The following SLC14A2 variants were observed in gnomAD, a reference collection of about 807,000 sequenced individuals.
SLC14A2 encodes urea transporter 2.
SLC14A2 carries 91 observed loss-of-function variants against 104.6 expected under a neutral mutation model. The ratio of observed to expected loss-of-function variants is 0.87; its 90% CI spans 0.73 to 1.04. The LOEUF is 1.04. SLC14A2 is among the 50% of genes least tolerant of loss of function. SLC14A2 has a pLI of 0.00. For missense variants in SLC14A2, 1,189 were observed against 1,156.0 expected (o/e 1.03, Z -0.41); for synonymous variants, 476 against 466.4 (o/e 1.02, Z -0.27).
chr18:45,265,879 C>T (rs909308871), intron 1 of SLC14A2, among the ~76,000 whole-genome samples: 3 of 152,158 alleles, frequency 2.0e-5, no homozygotes, highest in African/African-American at 7.2e-5. Context: ...TATCATTTTA[C>T]GTGCTAGGGA....
chr18:45,418,518 G>GGGT (rs1330549023), intron 1 of SLC14A2, among the ~76,000 whole-genome samples: 7 of 152,206 alleles, frequency 4.6e-5, no homozygotes, highest in African/African-American at 1.7e-4. Context: ...TCTGAGAAAA[G>GGGT]CCAGCATTTG....
intron 2 of SLC14A2, among the ~76,000 whole-genome samples, chr18:45,601,087 C>T (rs542560682): frequency 3.3e-5 from 5 of 152,278 alleles, no homozygotes; most frequent in Admixed American, 6.5e-5. Flanking sequence ...CTAGGCTGTC[C>T]CTTATTCCAC....
Position 45,414,725 on chromosome 18 carries a change from C to T in SLC14A2, c.-124-68508C>T, listed in dbSNP as rs1231530987. On this transcript the variant is annotated intron_variant, in intron 1 of 20. Transcript: ENST00000586448. ...AGTGGGCCTTTTCACATGCCAGGTGCGGTGCAAGGCACCGAGCGTAAAAAA... is the reference window on the plus strand; with the variant it reads ...AGTGGGCCTTTTCACATGCCAGGTGTGGTGCAAGGCACCGAGCGTAAAAAA... Among the ~76,000 whole-genome samples the T allele has an allele frequency of 2.6e-4, 32 of 122,328 alleles. 1 individual carries two copies. The highest frequency in any genetic ancestry group is 1.6e-3 in the East Asian group (7 of 4,252). 80.3% of individuals were successfully genotyped at this position (122,328 alleles called of 152,430 possible).
At chr18:45,595,907 A>C (rs1018267240) in intron 2 of SLC14A2, among the ~76,000 whole-genome samples, 2 of 152,166 alleles carry the variant, frequency 1.3e-5, no homozygotes, top group Admixed American at 6.5e-5. Context: ...TTCATTGAGG[A>C]GGGTCCCCCT....
chr18:45,575,252 A>G (rs1002451439), intron 2 of SLC14A2, among the ~76,000 whole-genome samples: 1 of 152,122 alleles, frequency 6.6e-6, no homozygotes, highest in African/African-American at 2.4e-5. Context: ...TCTGGATTTC[A>G]CTACCACAAC....
Position 45,625,699 on chromosome 18 carries a change from A to T in SLC14A2, c.167A>T (p.Asn56Ile). ...TCCTAAAAGGATCTCCGGTCTTCCA[A>T]TGAAGACAGTCACATTGTGAAGATC... ...MPEEKDLRSS[N>I]EDSHIVKIEK... The change falls in exon 3 of 20, where the codon AAT (asparagine) becomes ATT (isoleucine). Residue 56 changes from asparagine (N) to isoleucine (I), a missense_variant. Coordinates refer to ENST00000255226, the MANE Select transcript of SLC14A2 (RefSeq NM_007163.4). The T allele has an allele frequency of 1.3e-6, 2 of 1,553,284 alleles. No homozygotes were observed. Among genetic ancestry groups the T allele is most frequent in the Non-Finnish European group, 1.7e-6 (2 of 1,156,060 alleles).
intron 2 of SLC14A2, among the ~76,000 whole-genome samples, chr18:45,608,901 C>T (rs1160156118): frequency 5.9e-5 from 9 of 152,206 alleles, no homozygotes; most frequent in African/African-American, 1.9e-4. Flanking sequence ...GCCAGGTCCC[C>T]TCTGCATTTT....
In SLC14A2 at chr18:45,571,811, T is replaced by C. The variant is rs1210842666; in HGVS notation, c.-34-52820T>C. Among the ~76,000 whole-genome samples, 5 of 152,230 alleles carry C rather than the reference T, an allele frequency of 3.3e-5. No individual in the cohort carries two copies. In the South Asian group the frequency reaches 1.0e-3, roughly 32 times the overall value. ...GCCACCAAAAATCAGAGAAAACTGA[T>C]GTCTGAAACAACAGAAACATTTTCT... is the stretch of plus-strand genomic sequence containing the variant. On this transcript the variant is annotated intron_variant, in intron 2 of 20. Coordinates refer to the SLC14A2 transcript ENST00000586448.
chr18:45,326,637 T>C, intron 1 of SLC14A2, among the ~76,000 whole-genome samples: 1 of 152,232 alleles, frequency 6.6e-6, no homozygotes, highest in East Asian at 1.9e-4. Context: ...ACCATTTTAC[T>C]AGTGAGCAGG....
chr18:45,383,507 C>G (rs568109246), intron 1 of SLC14A2, among the ~76,000 whole-genome samples: 1 of 152,220 alleles, frequency 6.6e-6, no homozygotes, highest in Non-Finnish European at 1.5e-5. Flanking sequence ...TTACCCAGAG[C>G]AACCACTCAC....
At chr18:45,203,476 C>T in the SLC14A2 span, among the ~76,000 whole-genome samples, 22 of 152,214 alleles carry the variant, frequency 1.4e-4, no homozygotes, top group South Asian at 2.5e-3. Flanking sequence ...GAGAAATTAT[C>T]GGTTTCTAAG....
intron 1 of SLC14A2, among the ~76,000 whole-genome samples, chr18:45,289,775 TATAAGAAGTGCCA>T (rs1423400086): frequency 1.3e-5 from 2 of 152,192 alleles, no homozygotes; most frequent in African/African-American, 2.4e-5. Flanking sequence ...AAGACTGTCC[TATAAGAAGTGCCA>T]ATGTGTCATG....
At chr18:45,290,686 A>G (rs2084860522) in intron 1 of SLC14A2, among the ~76,000 whole-genome samples, 1 of 152,204 alleles carries the variant, frequency 6.6e-6, no homozygotes, top group South Asian at 2.1e-4. Context: ...CATGTAAACT[A>G]TCTCGCTAAT....
intron 10 of SLC14A2, among the ~76,000 whole-genome samples, chr18:45,644,694 GA>G (rs1224582789): frequency 6.6e-6 from 1 of 152,082 alleles, no homozygotes; most frequent in Non-Finnish European, 1.5e-5. Context: ...TTGGGGCAGG[GA>G]ATTATCTAAA....
the SLC14A2 span, among the ~76,000 whole-genome samples, chr18:45,200,153 T>G: frequency 9.9e-5 from 15 of 152,278 alleles, no homozygotes; most frequent in African/African-American, 2.9e-4. Context: ...ATTCTTTGTG[T>G]TTGGAGTTGG....
At chr18:45,390,205 G>C (rs1176240954) in intron 1 of SLC14A2, among the ~76,000 whole-genome samples, 2 of 152,104 alleles carry the variant, frequency 1.3e-5, no homozygotes, top group African/African-American at 4.8e-5. Flanking sequence ...TCTGAGACTG[G>C]CTCTGATATG....
intron 1 of SLC14A2, among the ~76,000 whole-genome samples, chr18:45,408,089 G>A (rs1050086898): frequency 3.9e-5 from 6 of 152,138 alleles, no homozygotes; most frequent in African/African-American, 7.2e-5. Context: ...AATCAAACAA[G>A]GTATGCCTGT....
chr18:45,400,680 G>A (rs1352377062), intron 1 of SLC14A2, among the ~76,000 whole-genome samples: 1 of 152,098 alleles, frequency 6.6e-6, no homozygotes, highest in African/African-American at 2.4e-5. Context: ...TATTATGATA[G>A]TTGCCAAATG....
At chr18:45,415,502 A>G (rs1361976932) in intron 1 of SLC14A2, among the ~76,000 whole-genome samples, 1 of 152,182 alleles carries the variant, frequency 6.6e-6, no homozygotes, top group African/African-American at 2.4e-5. Flanking sequence ...TTATCATATT[A>G]GACTTCTCTG....
Sources: gnomAD v4.1 joint callset for allele counts (sites outside exome capture counted in the v4.1 genomes callset) on GRCh38, gnomAD v4.1.1 for gene constraint, MANE v1.5 for transcripts, NCBI Gene and HGNC (gene_info 2026-07-23, HGNC 2026-07-21) for gene names.